The following ODR4 variants were observed in gnomAD, a reference collection of about 807,000 sequenced individuals.
The protein encoded by ODR4 is protein odr-4 homolog.
Under a neutral mutation model 60.2 loss-of-function variants are expected in ODR4, and 47 were observed. The observed-to-expected ratio is 0.78, with a 90% CI of 0.62 to 1.00. The LOEUF (loss-of-function observed/expected upper bound fraction) is 1.00, where lower values mean the gene tolerates loss of function less well. Among genes scored for constraint, ODR4 ranks in the 50% least tolerant of loss-of-function variants. ODR4 has a pLI of 0.00. For synonymous variants in ODR4, 178 were observed against 175.5 expected, an observed-to-expected ratio of 1.01 and a Z score of -0.11; for missense variants, 488 against 530.8, an observed-to-expected ratio of 0.92 and a Z score of 0.79.
At chr1:186,386,977 T>A (rs551108829) in intron 4 of ODR4, among the ~76,000 whole-genome samples, 1 of 152,284 alleles carries the variant, frequency 6.6e-6, no homozygotes, top group African/African-American at 2.4e-5. Flanking sequence ...GTAGATTCTG[T>A]GTAGCCAGCT....
chr1:186,431,077 C>T, the ODR4 span, among the ~76,000 whole-genome samples: 2 of 152,110 alleles, frequency 1.3e-5, no homozygotes, highest in African/African-American at 4.8e-5. Context: ...ACAGGTGGCT[C>T]TTGGCCTTTA....
chr1:186,399,001 G>A lies in ODR4; in HGVS notation c.957G>A (p.Met319Ile), dbSNP rs373682246. ...ILNTVADRCEMLFEDLLLNEI... is the reference protein window; with the variant it reads ...ILNTVADRCEILFEDLLLNEI... The stretch of plus-strand genomic sequence containing the variant: ...ACACAGTTGCTGATCGTTGTGAAAT[G>A]CTATTTGAGGATCTGCTTTTGAATG... The change falls in exon 11 of 14, where the codon ATG (methionine) becomes ATA (isoleucine). Residue 319 changes from methionine to isoleucine, a missense_variant. Met to Ile is a conservative substitution (Grantham distance 10). Transcript: ENST00000287859. 2 of 1,613,016 alleles carry A rather than the reference G, an allele frequency of 1.2e-6. No individual in the cohort carries two copies. The highest frequency in any genetic ancestry group is 1.7e-4 in the Middle Eastern group (1 of 6,018).
intron 1 of ODR4, among the ~76,000 whole-genome samples, chr1:186,376,498 C>CA (rs1659772747): frequency 6.6e-6 from 1 of 152,186 alleles, no homozygotes; most frequent in South Asian, 2.1e-4. Flanking sequence ...GCAGTTCCCA[C>CA]AGTCGTGGGC....
chr1:186,378,667 G>A (rs1236479502), intron 1 of ODR4, among the ~76,000 whole-genome samples: 5 of 152,288 alleles, frequency 3.3e-5, no homozygotes, highest in East Asian at 1.9e-4. Context: ...GAGCCAGAGT[G>A]TCTGAATTTA....
In ODR4 at chr1:186,390,758, C is replaced by T. The variant is rs376120716; in HGVS notation, c.522C>T (p.Ser174=). 8 of 1,613,176 alleles carry T rather than the reference C, an allele frequency of 5.0e-6. No homozygotes were observed. The highest frequency in any genetic ancestry group is 6.8e-6 in the Non-Finnish European group (8 of 1,179,444). ...ADWKYQSGLS[S]SWLSLECTVH... is the part of the protein sequence containing the mutation. ...GGAAGTATCAAAGTGGATTATCATC[C>T]TCATGGCTTTCTTTAGAGTGTACAG... Residue 174 remains serine, a synonymous_variant, in exon 7 of 14, where the codon TCC becomes TCT. Coordinates refer to ENST00000287859, the MANE Select transcript of ODR4 (RefSeq NM_017847.6).
chr1:186,385,448 G>C (rs770323335), intron 3 of ODR4, among the ~76,000 whole-genome samples: 3 of 151,276 alleles, frequency 2.0e-5, no homozygotes, highest in Admixed American at 6.6e-5. Flanking sequence ...AAGCCCTGTC[G>C]GAGTTCAGAG....
At chr1:186,379,567 T>C (rs1241490789) in intron 1 of ODR4, among the ~76,000 whole-genome samples, 200 bp from the exon 2 acceptor site, 1 of 152,202 alleles carries the variant, frequency 6.6e-6, no homozygotes, top group Non-Finnish European at 1.5e-5. Flanking sequence ...TGTGGTTGTT[T>C]CCTGCTGCAT....
At chr1:186,418,953 T>G in intron 13 of ODR4, 56 bp from the exon 14 acceptor site, 3 of 1,462,620 alleles carry the variant, frequency 2.1e-6, no homozygotes, top group Middle Eastern at 1.7e-4. Flanking sequence ...AGGATTAGTT[T>G]GGCCTTTCTT....
chr1:186,432,321 A>T, the ODR4 span, among the ~76,000 whole-genome samples: 50,550 of 151,970 alleles, frequency 0.33, 9,261 homozygotes, highest in African/African-American at 0.48. Context: ...ATACTTGTGG[A>T]AATATTAGCC....
At chr1:186,399,895 A>G (rs560447718) in intron 11 of ODR4, among the ~76,000 whole-genome samples, 20 of 152,110 alleles carry the variant, frequency 1.3e-4, no homozygotes, top group African/African-American at 4.1e-4. Context: ...CATCGCAGTA[A>G]TCTGTATTAA....
chr1:186,405,580 T>C (rs1661141359), intron 11 of ODR4, among the ~76,000 whole-genome samples: 1 of 152,030 alleles, frequency 6.6e-6, no homozygotes, highest in Admixed American at 6.6e-5. Flanking sequence ...TGAGATGGAG[T>C]CTCGCTCTGT....
intron 11 of ODR4, among the ~76,000 whole-genome samples, chr1:186,401,818 T>G (rs1356135853): frequency 6.9e-6 from 1 of 144,988 alleles, no homozygotes. Flanking sequence ...CATGTAGTTT[T>G]CTTTTTTTGT....
downstream of ODR4, among the ~76,000 whole-genome samples, chr1:186,425,943 T>G (rs1249035128): frequency 6.6e-6 from 1 of 152,190 alleles, no homozygotes; most frequent in Non-Finnish European, 1.5e-5. Context: ...CTTCTCCTGT[T>G]TGATGATAGG....
downstream of ODR4, among the ~76,000 whole-genome samples, chr1:186,424,218 C>A (rs1661846759): frequency 6.6e-6 from 1 of 152,066 alleles, no homozygotes; most frequent in African/African-American, 2.4e-5. Context: ...GGGAGAATGA[C>A]CTACATACAA....
chr1:186,414,633 C>T (rs1571701477), intron 12 of ODR4, among the ~76,000 whole-genome samples: 2 of 151,832 alleles, frequency 1.3e-5, no homozygotes, highest in South Asian at 2.1e-4. Context: ...CATTCTCCTG[C>T]GTCAGCCTCC....
At chr1:186,403,112 A>T (rs1316142816) in intron 11 of ODR4, among the ~76,000 whole-genome samples, 1 of 152,214 alleles carries the variant, frequency 6.6e-6, no homozygotes, top group East Asian at 1.9e-4. Flanking sequence ...CAGAAATAAG[A>T]TGTAAATATA....
At chr1:186,415,464 TG>T (rs1661529536) in intron 12 of ODR4, among the ~76,000 whole-genome samples, 2 of 152,168 alleles carry the variant, frequency 1.3e-5, no homozygotes, top group African/African-American at 4.8e-5. Flanking sequence ...CTCTCTTTTT[TG>T]TGGGGGTGAG....
At chr1:186,394,887 T>A in intron 9 of ODR4, among the ~76,000 whole-genome samples, 1 of 152,202 alleles carries the variant, frequency 6.6e-6, no homozygotes, top group South Asian at 2.1e-4. Context: ...CTACTTTGTC[T>A]TGATTTTAGA....
intron 2 of ODR4, among the ~76,000 whole-genome samples, chr1:186,381,419 T>TG (rs1660020565): frequency 6.6e-6 from 1 of 151,456 alleles, no homozygotes; most frequent in Admixed American, 6.6e-5. Flanking sequence ...CTCCGCCCCC[T>TG]GGGGTTCACG....
Sources: allele counts gnomAD v4.1 joint callset (sites outside exome capture counted in the v4.1 genomes callset), GRCh38; gene constraint gnomAD v4.1.1; transcripts MANE v1.5; gene names NCBI Gene and HGNC (gene_info 2026-07-23, HGNC 2026-07-21).